The following TRIM26 variants were observed in gnomAD, a reference collection of about 807,000 sequenced individuals.
TRIM26 encodes tripartite motif-containing protein 26.
TRIM26 carries 16 observed loss-of-function variants against 45.5 expected under a neutral mutation model. The observed-to-expected ratio is 0.35, with a 90% confidence interval of 0.24 to 0.53. The LOEUF is 0.53. Among genes scored for constraint, TRIM26 ranks in the 20% least tolerant of loss-of-function variants. TRIM26 has a pLI of 0.92. For missense variants in TRIM26, 442 were observed against 691.1 expected (o/e 0.64, Z 4.04); for synonymous variants, 273 against 290.4 (o/e 0.94, Z 0.61).
rs1777867376 is a variant in TRIM26 at position 30,207,764 on chromosome 6, A to G, written c.-375-2999T>C. Reference sequence around the variant, plus strand: ...AAACCAAACCGCTCTCCATGCCTCAAAGTGCTATGCTCTTTCCTGGCTAAG... The same window carrying G: ...AAACCAAACCGCTCTCCATGCCTCAGAGTGCTATGCTCTTTCCTGGCTAAG... On this transcript the variant is annotated intron_variant, in intron 1 of 9. Transcript: ENST00000454678. The surrounding 1 kb of genome is among the most constrained non-coding windows in gnomAD (Gnocchi z 4.9). Among the ~76,000 whole-genome samples the G allele has an allele frequency of 6.6e-6, 1 of 152,146 alleles. No individual in the cohort carries two copies. Among genetic ancestry groups the G allele is most frequent in the Admixed American group, 6.5e-5 (1 of 15,272 alleles).
chr6:30,186,735 T>C lies in TRIM26; in HGVS notation c.938-177A>G, dbSNP rs1775238031. 2 of 1,029,374 alleles carry C rather than the reference T, an allele frequency of 1.9e-6. No homozygotes were observed. Among genetic ancestry groups the C allele is most frequent in the Admixed American group, 2.8e-5 (1 of 35,324 alleles). 63.8% of individuals were successfully genotyped at this position (1,029,374 alleles called of 1,614,324 possible). ...AAGTGTGACACATTTTCTGGCTTTGTATTCTGCTAAATCACCATAACTAAA... is the reference window on the plus strand; with the variant it reads ...AAGTGTGACACATTTTCTGGCTTTGCATTCTGCTAAATCACCATAACTAAA... On this transcript the variant is annotated intron_variant, in intron 9 of 9. Coordinates refer to ENST00000454678, the MANE Select transcript of TRIM26 (RefSeq NM_003449.5). This position sits in a 1 kb window ranked among gnomAD's most constrained non-coding sequence, Gnocchi z 7.4.
intron 1 of TRIM26, among the ~76,000 whole-genome samples, chr6:30,211,923 G>A (rs1778324704): frequency 6.6e-6 from 1 of 152,208 alleles, no homozygotes; most frequent in African/African-American, 2.4e-5. Context: ...TTGCCCTCAA[G>A]AAGGGGGAAT....
intron 1 of TRIM26, among the ~76,000 whole-genome samples, chr6:30,205,109 C>T (rs1308824531): frequency 3.3e-5 from 5 of 152,008 alleles, no homozygotes; most frequent in South Asian, 2.1e-4. Context: ...GGTGTGGTGG[C>T]GCATGCCTAT....
chr6:30,198,069 G>GTC lies in TRIM26; in HGVS notation c.534+358_534+359dup, dbSNP rs200555706. On this transcript the variant is annotated intron_variant, in intron 5 of 9. Transcript: ENST00000454678. The surrounding 1 kb of genome is among the most constrained non-coding windows in gnomAD (Gnocchi z 6.3). ...ACCCTCTCCACTCTCAGGCAACCTT[G>GTC]TCTCTCTCTCTCTCTTTGAAAGGAA... Among the ~76,000 whole-genome samples, 1,173 of 151,690 alleles carry GTC rather than the reference G, an allele frequency of 7.7e-3. 9 individuals carry two copies. The highest frequency in any genetic ancestry group is 0.028 in the Middle Eastern group (8 of 290).
intron 2 of TRIM26, among the ~76,000 whole-genome samples, chr6:30,203,581 A>G (rs1777418666): frequency 6.6e-6 from 1 of 151,732 alleles, no homozygotes; most frequent in Non-Finnish European, 1.5e-5. Flanking sequence ...ACATCCGGCT[A>G]ATTTTTTGTA....
rs1776739232 is a variant in TRIM26 at position 30,198,587 on chromosome 6, A to G, written c.439-63T>C. 3 of 1,611,554 alleles carry G rather than the reference A, an allele frequency of 1.9e-6. No homozygotes were observed. Among genetic ancestry groups the G allele is most frequent in the Non-Finnish European group, 1.7e-6 (2 of 1,179,242 alleles). ...TGGGCTGGGGCAGGAAGGGAGACTC[A>G]GGCTGAGTCCTCTGAGGACTGCAAG... On this transcript the variant is annotated intron_variant, in intron 4 of 9. Coordinates refer to ENST00000454678, the MANE Select transcript of TRIM26 (RefSeq NM_003449.5). This position sits in a 1 kb window ranked among gnomAD's most constrained non-coding sequence, Gnocchi z 6.3.
At chr6:30,202,790 A>G (rs1021218368) in intron 2 of TRIM26, among the ~76,000 whole-genome samples, 3 of 152,222 alleles carry the variant, frequency 2.0e-5, no homozygotes, top group African/African-American at 7.2e-5. Context: ...GAACCAGATA[A>G]ATCCAGAATG....
Position 30,207,445 on chromosome 6 carries a change from T to C in TRIM26, c.-375-2680A>G, listed in dbSNP as rs1424272828. Among the ~76,000 whole-genome samples the C allele has an allele frequency of 6.6e-6, 1 of 152,196 alleles. No homozygotes were observed. Among genetic ancestry groups the C allele is most frequent in the Non-Finnish European group, 1.5e-5 (1 of 68,028 alleles). The stretch of plus-strand genomic sequence containing the variant: ...GATCATCAAACCCTCAAGGGTTTCC[T>C]GATTTACATAAACCTCCTCTCCCCT... On this transcript the variant is annotated intron_variant, in intron 1 of 9. Coordinates refer to ENST00000454678, the MANE Select transcript of TRIM26 (RefSeq NM_003449.5). The surrounding 1 kb of genome is among the most constrained non-coding windows in gnomAD (Gnocchi z 4.9).
chr6:30,202,085 G>C (rs960551707), intron 2 of TRIM26, among the ~76,000 whole-genome samples: 3 of 152,162 alleles, frequency 2.0e-5, no homozygotes, highest in Non-Finnish European at 4.4e-5. Context: ...AGGATAGCCT[G>C]TGTTATCTTT....
At chr6:30,192,594 G>C (rs1322889272) in intron 6 of TRIM26, among the ~76,000 whole-genome samples, 1 of 151,948 alleles carries the variant, frequency 6.6e-6, no homozygotes, top group African/African-American at 2.4e-5. Context: ...GCCCAGGCTG[G>C]TCTCAAACTC....
chr6:30,196,365 TAC>T lies in TRIM26; in HGVS notation c.765+149_765+150del. 2.8e-6 allele frequency: 2 copies of T among 711,098 alleles called. No individual in the cohort carries two copies. The highest frequency in any genetic ancestry group is 4.6e-6 in the Non-Finnish European group (2 of 432,614). 44.0% of individuals were successfully genotyped at this position (711,098 alleles called of 1,614,324 possible). On this transcript the variant is annotated intron_variant, in intron 6 of 9. Transcript: ENST00000454678. The surrounding 1 kb of genome is among the most constrained non-coding windows in gnomAD (Gnocchi z 4.9). ...TATTTCATTTTATGCTCATGCAATCTACAGACTAATTGGCAGCAGTAAGGATT... is the reference window on the plus strand; with the variant it reads ...TATTTCATTTTATGCTCATGCAATCTAGACTAATTGGCAGCAGTAAGGATT...
chr6:30,191,048 G>A (rs1241930535), intron 6 of TRIM26, among the ~76,000 whole-genome samples: 1 of 152,142 alleles, frequency 6.6e-6, no homozygotes, highest in African/African-American at 2.4e-5. Flanking sequence ...GTGGACCAGG[G>A]GAGAGCTAAA....
chr6:30,211,410 G>A (rs1299272977), intron 1 of TRIM26, among the ~76,000 whole-genome samples: 1 of 149,672 alleles, frequency 6.7e-6, no homozygotes, highest in Non-Finnish European at 1.5e-5. Flanking sequence ...TTCTGATCCT[G>A]GGGGGGTCCA....
At chr6:30,212,931 AAAAAG>A (rs1778436943) in intron 1 of TRIM26, among the ~76,000 whole-genome samples, 1 of 151,842 alleles carries the variant, frequency 6.6e-6, no homozygotes, top group East Asian at 1.9e-4. Flanking sequence ...AAAAAAAAAA[AAAAAG>A]AAAGAGAAAG....
chr6:30,208,604 T>A (rs1777959893), intron 1 of TRIM26, among the ~76,000 whole-genome samples: 1 of 151,854 alleles, frequency 6.6e-6, no homozygotes, highest in Admixed American at 6.6e-5. Flanking sequence ...CTGATTTTAC[T>A]TAATTGCTGC....
chr6:30,202,194 C>A (rs902026820), intron 2 of TRIM26, among the ~76,000 whole-genome samples: 19 of 152,146 alleles, frequency 1.2e-4, no homozygotes, highest in Admixed American at 1.1e-3. Context: ...AAACAGGACA[C>A]CTCATCACCC....
In TRIM26 at chr6:30,186,201, T is replaced by G. The variant is rs776706744; in HGVS notation, c.1295A>C (p.Glu432Ala). Residue 432 changes from glutamate (E) to alanine (A), a missense_variant, in exon 10 of 10, where the codon GAA becomes GCA. Coordinates refer to ENST00000454678, the MANE Select transcript of TRIM26 (RefSeq NM_003449.5). This position sits in a 1 kb window ranked among gnomAD's most constrained non-coding sequence, Gnocchi z 7.4. The part of the protein sequence containing the change: ...EEEEEEEEEE[E>A]VLESCMVGVA... Reference sequence around the variant, plus strand: ...CCCCACCATGCAGCTTTCCAGAACTTCCTCCTCTTCCTCCTCCTCTTCTTC... The same window carrying G: ...CCCCACCATGCAGCTTTCCAGAACTGCCTCCTCTTCCTCCTCCTCTTCTTC... 2.5e-6 allele frequency: 4 copies of G among 1,594,352 alleles called. No homozygotes were observed. In the Admixed American group the frequency reaches 5.2e-5, roughly 21 times the overall value.
At chr6:30,208,904 ATGTGTGTGTGTGTGTG>A (rs9278612) in intron 1 of TRIM26, among the ~76,000 whole-genome samples, 7,145 of 140,780 alleles carry the variant, frequency 0.051, 434 homozygotes, top group African/African-American at 0.14. Context: ...GATATAGAAT[ATGTGTGTGTGTGTGTG>A]TGTGTGTGTG....
chr6:30,206,742 CTT>C (rs1777767544), intron 1 of TRIM26, among the ~76,000 whole-genome samples: 1 of 152,216 alleles, frequency 6.6e-6, no homozygotes, highest in Admixed American at 6.5e-5. Context: ...GACCAACTGA[CTT>C]AGGATCTCCA....
Sources: gnomAD v4.1 joint callset for allele counts (sites outside exome capture counted in the v4.1 genomes callset) on GRCh38, gnomAD v4.1.1 for gene constraint, Gnocchi (gnomAD v3.1) non-coding constraint, MANE v1.5 for transcripts, NCBI Gene and HGNC (gene_info 2026-07-23, HGNC 2026-07-21) for gene names.